IL1RAPL1: variants seen among roughly 807,000 people sequenced by gnomAD.
IL1RAPL1 encodes the protein interleukin 1 receptor accessory protein like 1, also known as interleukin-1 receptor accessory protein-like 1.
IL1RAPL1 carries 3 observed loss-of-function variants against 48.4 expected under a neutral mutation model. The observed-to-expected ratio is 0.06, with a 90% confidence interval of 0.03 to 0.16. IL1RAPL1 has a LOEUF of 0.16. IL1RAPL1 is among the 10% of genes least tolerant of loss of function. IL1RAPL1 has a pLI of 1.00. For synonymous variants in IL1RAPL1, 185 were observed against 187.7 expected (o/e 0.99, Z 0.12); for missense variants, 349 against 530.6 (o/e 0.66, Z 3.36).
chrX:29,122,407 T>TCACACA (rs1457241280), intron 2 of IL1RAPL1, among the ~76,000 whole-genome samples: 3 of 76,258 alleles, frequency 3.9e-5, no homozygotes, highest in African/African-American at 1.3e-4. Flanking sequence ...TCTCTCTCTC[T>TCACACA]CTCACACACA....
At chrX:29,344,715 G>A (rs1933127495) in intron 3 of IL1RAPL1, among the ~76,000 whole-genome samples, 1 of 111,727 alleles carries the variant, frequency 9.0e-6, no homozygotes, top group South Asian at 3.7e-4. Flanking sequence ...TTGGCTCACT[G>A]CAACCTCCAC....
chrX:29,457,634 G>C (rs1934754797), intron 5 of IL1RAPL1, among the ~76,000 whole-genome samples: 1 of 111,980 alleles, frequency 8.9e-6, no homozygotes, highest in Admixed American at 9.5e-5. Flanking sequence ...GAATAGCATG[G>C]GTGAAGAAGA....
At chrX:28,791,520 G>A (rs1258257159) in intron 2 of IL1RAPL1, among the ~76,000 whole-genome samples, 1 of 111,866 alleles carries the variant, frequency 8.9e-6, no homozygotes, top group Non-Finnish European at 1.9e-5. Flanking sequence ...GCTAAGCTAA[G>A]CAGAAGTTCT....
intron 2 of IL1RAPL1, among the ~76,000 whole-genome samples, chrX:28,945,551 G>A (rs1442676915): frequency 9.1e-6 from 1 of 110,212 alleles, no homozygotes; most frequent in Admixed American, 9.8e-5. Context: ...GTTGAACAAT[G>A]AGAACACATG....
chrX:29,823,237 C>T (rs1291273637), intron 6 of IL1RAPL1, among the ~76,000 whole-genome samples: 6 of 111,297 alleles, frequency 5.4e-5, no homozygotes, highest in African/African-American at 2.0e-4. Flanking sequence ...TGGGGAAATC[C>T]ACTATGAGAT....
chrX:28,990,659 C>T (rs939399199), intron 2 of IL1RAPL1, among the ~76,000 whole-genome samples: 1 of 111,277 alleles, frequency 9.0e-6, no homozygotes, highest in Non-Finnish European at 1.9e-5. Context: ...TGCCAGTGAC[C>T]GTCTGTTGAG....
chrX:29,327,069 A>G (rs771594697), intron 3 of IL1RAPL1, among the ~76,000 whole-genome samples: 2 of 111,313 alleles, frequency 1.8e-5, no homozygotes, highest in Non-Finnish European at 3.8e-5. Context: ...GAATTGCCAC[A>G]CTATATAGCA....
chrX:29,041,357 T>C lies in IL1RAPL1; in HGVS notation c.83-241581T>C, dbSNP rs1281464146. Reference sequence around the variant, plus strand: ...TTTGTCTGCATGTAGCCACCAACTTTTATTTATGAGTATTTGCTGGACCTC... The same window carrying C: ...TTTGTCTGCATGTAGCCACCAACTTCTATTTATGAGTATTTGCTGGACCTC... On this transcript the variant is annotated intron_variant, in intron 2 of 10. Transcript: ENST00000378993. Among the ~76,000 whole-genome samples the C allele has an allele frequency of 4.5e-5, 5 of 111,671 alleles. No homozygotes were observed. The East Asian group carries it at 1.4e-3, about 32-fold the overall frequency.
intron 2 of IL1RAPL1, among the ~76,000 whole-genome samples, chrX:29,011,572 A>G (rs1037474619): frequency 1.8e-5 from 2 of 112,519 alleles, no homozygotes; most frequent in African/African-American, 6.5e-5. Flanking sequence ...ACTGCAAACT[A>G]ATCTGTAGTG....
chrX:28,618,700 A>C (rs1353495684), intron 1 of IL1RAPL1, among the ~76,000 whole-genome samples: 3 of 112,388 alleles, frequency 2.7e-5, no homozygotes. Flanking sequence ...TTTATAAATT[A>C]TATTTTATTT....
chrX:28,949,715 T>C (rs1924400270), intron 2 of IL1RAPL1, among the ~76,000 whole-genome samples: 1 of 109,661 alleles, frequency 9.1e-6, no homozygotes, highest in Admixed American at 9.7e-5. Context: ...TTTCATGTGT[T>C]TTTTGGCTGC....
Position 29,567,095 on chromosome X carries a change from G to A in IL1RAPL1, c.704-101335G>A, listed in dbSNP as rs1393803133. ...TTCAGAACTGAAAAATAAGAGTAGA[G>A]TCCACTGTTTAAAAGTATGCATTGA... On this transcript the variant is annotated intron_variant, in intron 5 of 10. Coordinates refer to ENST00000378993, the MANE Select transcript of IL1RAPL1 (RefSeq NM_014271.4). 2.7e-5 allele frequency among the ~76,000 whole-genome samples: 3 copies of A among 111,108 alleles called. No homozygotes were observed. In the East Asian group the frequency reaches 8.5e-4, roughly 31 times the overall value.
chrX:29,813,963 A>C (rs1179317642), intron 6 of IL1RAPL1, among the ~76,000 whole-genome samples: 1 of 111,662 alleles, frequency 9.0e-6, no homozygotes, highest in Admixed American at 9.5e-5. Context: ...GTGTGTATGC[A>C]CCACATTTTC....
At chrX:29,935,635 C>G (rs1223360086) in intron 8 of IL1RAPL1, among the ~76,000 whole-genome samples, 2 of 111,705 alleles carry the variant, frequency 1.8e-5, no homozygotes, top group Non-Finnish European at 3.8e-5. Context: ...CAAGGGTAGG[C>G]TCTAGCATGC....
At chrX:29,597,602 T>G (rs1229394896) in intron 5 of IL1RAPL1, among the ~76,000 whole-genome samples, 1 of 112,252 alleles carries the variant, frequency 8.9e-6, no homozygotes, top group East Asian at 2.8e-4. Flanking sequence ...TCCTGTGGAA[T>G]AGTGTCGATA....
intron 6 of IL1RAPL1, among the ~76,000 whole-genome samples, chrX:29,906,105 G>A (rs1322594317): frequency 9.1e-6 from 1 of 109,380 alleles, no homozygotes; most frequent in Non-Finnish European, 1.9e-5. Flanking sequence ...GGGAGGCCGA[G>A]GCAGGTGGAT....
Position 29,339,275 on chromosome X carries a change from A to G in IL1RAPL1, c.362+56058A>G, listed in dbSNP as rs150131192. Among the ~76,000 whole-genome samples the G allele has an allele frequency of 2.7e-3, 298 of 112,167 alleles. 5 individuals carry two copies. Among genetic ancestry groups the G allele is most frequent in the East Asian group, 0.026 (93 of 3,585 alleles). ...TATTTGCTGTCATCAGCCAAGTTATATAACCTTTCTGAGCATCAATTACTT... is the reference window on the plus strand; with the variant it reads ...TATTTGCTGTCATCAGCCAAGTTATGTAACCTTTCTGAGCATCAATTACTT... On this transcript the variant is annotated intron_variant, in intron 3 of 10. Transcript: ENST00000378993.
chrX:29,762,265 C>T (rs1485623687), intron 6 of IL1RAPL1, among the ~76,000 whole-genome samples: 1 of 111,735 alleles, frequency 8.9e-6, no homozygotes, highest in Non-Finnish European at 1.9e-5. Context: ...AACCCTGCTC[C>T]TTAAGCAAAC....
At chrX:29,865,793 C>A (rs1198169689) in intron 6 of IL1RAPL1, among the ~76,000 whole-genome samples, 1 of 102,588 alleles carries the variant, frequency 9.7e-6, no homozygotes, top group East Asian at 3.2e-4. Flanking sequence ...CACGCCACCA[C>A]GCCTGGCTAA....
Sources: gnomAD v4.1 joint callset for allele counts (sites outside exome capture counted in the v4.1 genomes callset) on GRCh38, gnomAD v4.1.1 for gene constraint, MANE v1.5 for transcripts, NCBI Gene and HGNC (gene_info 2026-07-23, HGNC 2026-07-21) for gene names.